The following ANKS1A variants were observed in gnomAD, a reference collection of about 807,000 sequenced individuals.
The protein encoded by ANKS1A is ankyrin repeat and SAM domain-containing protein 1A.
Under a neutral mutation model 120.3 loss-of-function variants are expected in ANKS1A, and 55 were observed. The ratio of observed to expected loss-of-function variants is 0.46; its 90% CI spans 0.37 to 0.57. The LOEUF (loss-of-function observed/expected upper bound fraction) is 0.57, where lower values mean the gene tolerates loss of function less well. Ranked by LOEUF, ANKS1A falls within the 20% of genes least tolerant of loss-of-function variation. The probability of loss-of-function intolerance (pLI) is 0.00; values close to 1 mark genes in which losing one functional copy is unlikely to be tolerated. For synonymous variants in ANKS1A, 590 were observed against 604.7 expected, an observed-to-expected ratio of 0.98 and a Z score of 0.36; for missense variants, 1,123 against 1,480.3, an observed-to-expected ratio of 0.76 and a Z score of 3.96.
chr6:34,926,882 A>G (rs1768744140), intron 1 of ANKS1A, among the ~76,000 whole-genome samples: 1 of 152,236 alleles, frequency 6.6e-6, no homozygotes, highest in South Asian at 2.1e-4. Context: ...GGATGCTGGT[A>G]CTGAGTCACT....
chr6:34,903,559 G>A (rs1270545872), intron 1 of ANKS1A, among the ~76,000 whole-genome samples: 2 of 151,798 alleles, frequency 1.3e-5, no homozygotes, highest in East Asian at 3.9e-4. Flanking sequence ...GTGCAGTGGT[G>A]TGATCTTGGC....
intron 3 of ANKS1A, among the ~76,000 whole-genome samples, chr6:34,976,082 G>A (rs1771559508): frequency 7.6e-6 from 1 of 131,052 alleles, no homozygotes; most frequent in African/African-American, 2.7e-5. Flanking sequence ...AAGTTGCAGT[G>A]AGCCAAGGTT....
At chr6:35,092,256 C>T (rs566588102), downstream of ANKS1A, among the ~76,000 whole-genome samples, 8 of 152,312 alleles carry the variant, frequency 5.3e-5, no homozygotes, top group Middle Eastern at 3.4e-3. Context: ...TAGCACTGAA[C>T]GCTTTTATTC....
At chr6:34,929,350 A>T (rs1018750363) in intron 1 of ANKS1A, among the ~76,000 whole-genome samples, 1 of 152,198 alleles carries the variant, frequency 6.6e-6, no homozygotes, top group Non-Finnish European at 1.5e-5. Context: ...TAGACGAATG[A>T]ATAAATGTAT....
chr6:35,093,400 G>A (rs1778365807), downstream of ANKS1A, among the ~76,000 whole-genome samples: 1 of 152,044 alleles, frequency 6.6e-6, no homozygotes, highest in Admixed American at 6.5e-5. Flanking sequence ...CTCAAAGCTA[G>A]AAGAAAATGG....
chr6:34,900,330 G>T (rs2127446782), intron 1 of ANKS1A, among the ~76,000 whole-genome samples: 1 of 152,250 alleles, frequency 6.6e-6, no homozygotes. Context: ...GTAAAATTTT[G>T]CTGAAAAGAT....
intron 11 of ANKS1A, among the ~76,000 whole-genome samples, chr6:35,040,522 A>G (rs1301504726): frequency 1.3e-5 from 2 of 152,238 alleles, no homozygotes; most frequent in Admixed American, 6.5e-5. Flanking sequence ...AGTTTTGACC[A>G]GAGCCATCCT....
chr6:35,041,442 T>A (rs889786871), intron 11 of ANKS1A, among the ~76,000 whole-genome samples: 2 of 152,198 alleles, frequency 1.3e-5, no homozygotes, highest in African/African-American at 2.4e-5. Context: ...GACCATCTTT[T>A]CTGCCTTTCC....
intron 13 of ANKS1A, among the ~76,000 whole-genome samples, chr6:35,061,204 TGG>T (rs1280705421): frequency 6.6e-6 from 1 of 152,192 alleles, no homozygotes; most frequent in Non-Finnish European, 1.5e-5. Flanking sequence ...TGTCAGTCAT[TGG>T]CAGGGTGGAA....
chr6:34,944,363 G>T (rs1488817906), intron 1 of ANKS1A, among the ~76,000 whole-genome samples: 1 of 152,114 alleles, frequency 6.6e-6, no homozygotes, highest in African/African-American at 2.4e-5. Context: ...CTGTCATTTG[G>T]TGTTATGTTT....
At chr6:35,025,408 G>A (rs562536420) in intron 11 of ANKS1A, among the ~76,000 whole-genome samples, 1 of 152,092 alleles carries the variant, frequency 6.6e-6, no homozygotes, top group Admixed American at 6.5e-5. Flanking sequence ...CAATTGACTG[G>A]TGATGAGAAA....
chr6:34,940,647 A>T (rs1412746776), intron 1 of ANKS1A, among the ~76,000 whole-genome samples: 1 of 152,172 alleles, frequency 6.6e-6, no homozygotes, highest in Non-Finnish European at 1.5e-5. Flanking sequence ...ATATTGGCTC[A>T]CACTTATAAT....
chr6:34,937,008 A>G (rs1302934058), intron 1 of ANKS1A, among the ~76,000 whole-genome samples: 4 of 152,222 alleles, frequency 2.6e-5, no homozygotes, highest in Non-Finnish European at 4.4e-5. Flanking sequence ...AGATACATAC[A>G]TGTTACATAC....
intron 11 of ANKS1A, among the ~76,000 whole-genome samples, chr6:35,025,250 A>G (rs1226301686): frequency 6.6e-6 from 1 of 150,952 alleles, no homozygotes; most frequent in Non-Finnish European, 1.5e-5. Context: ...ATATATGTGT[A>G]TACACACACA....
At chr6:34,918,879 T>G (rs2127463537) in intron 1 of ANKS1A, among the ~76,000 whole-genome samples, 1 of 152,338 alleles carries the variant, frequency 6.6e-6, no homozygotes, top group East Asian at 1.9e-4. Context: ...TGAGACAGGG[T>G]CTCGCTCTGT....
intron 1 of ANKS1A, among the ~76,000 whole-genome samples, chr6:34,924,952 A>T (rs1015319011): frequency 1.3e-5 from 2 of 152,052 alleles, no homozygotes; most frequent in Non-Finnish European, 2.9e-5. Context: ...CTCTACTATC[A>T]CTTTTTTTCC....
chr6:34,912,917 G>A (rs1767974325), intron 1 of ANKS1A, among the ~76,000 whole-genome samples: 1 of 152,152 alleles, frequency 6.6e-6, no homozygotes, highest in Non-Finnish European at 1.5e-5. Flanking sequence ...TGTATTGCCT[G>A]TTTTGATTGT....
chr6:34,994,043 TTCACTG>T (rs1772715933), intron 9 of ANKS1A, among the ~76,000 whole-genome samples: 1 of 152,180 alleles, frequency 6.6e-6, no homozygotes, highest in Non-Finnish European at 1.5e-5. Context: ...ACAATCCTGG[TTCACTG>T]CAGCCTCAAA....
At chr6:34,977,350 A>C (rs945044614) in intron 3 of ANKS1A, among the ~76,000 whole-genome samples, 7 of 151,094 alleles carry the variant, frequency 4.6e-5, no homozygotes, top group Admixed American at 4.6e-4. Context: ...TGATTGCTTA[A>C]GTTGGTGCCT....
Sources: allele counts gnomAD v4.1 joint callset (sites outside exome capture counted in the v4.1 genomes callset), GRCh38; gene constraint gnomAD v4.1.1; transcripts MANE v1.5; gene names NCBI Gene and HGNC (gene_info 2026-07-23, HGNC 2026-07-21).